The following RAB30 variants were observed in gnomAD, a reference collection of about 807,000 sequenced individuals.
The protein encoded by RAB30 is ras-related protein Rab-30.
A neutral mutation model predicts 25.1 loss-of-function variants in RAB30; 9 were observed. That is an observed-to-expected ratio of 0.36 (90% CI 0.22 to 0.63). The LOEUF (loss-of-function observed/expected upper bound fraction) is 0.63, where lower values mean the gene tolerates loss of function less well. RAB30 is among the 20% of genes least tolerant of loss of function. The pLI is 0.69. For missense variants in RAB30, 140 were observed against 243.5 expected (o/e 0.58, Z 2.83); for synonymous variants, 77 against 86.4 (o/e 0.89, Z 0.60).
At chr11:83,071,269 A>G (rs1416122838) in intron 1 of RAB30, 2 of 152,266 alleles carry the variant, frequency 1.3e-5, no homozygotes, top group Non-Finnish European at 1.5e-5. Flanking sequence ...GTTCTAAAGT[A>G]GTGCGACCAC....
At chr11:82,997,198 A>C in intron 2 of RAB30, 26 bp downstream of exon 2, 1 of 1,567,742 alleles carries the variant, frequency 6.4e-7, no homozygotes. Context: ...CCCTGGGCTT[A>C]CGAGTTCCCT....
chr11:83,003,519 T>C (rs1308072821), intron 1 of RAB30, among the ~76,000 whole-genome samples: 2 of 152,156 alleles, frequency 1.3e-5, no homozygotes, highest in East Asian at 3.9e-4. Context: ...GCCTCCTGGG[T>C]TCAAGCGATT....
chr11:83,014,361 AAC>A (rs927015466), intron 1 of RAB30, among the ~76,000 whole-genome samples: 1 of 152,104 alleles, frequency 6.6e-6, no homozygotes, highest in Non-Finnish European at 1.5e-5. Context: ...CAGACTGGAC[AAC>A]ACAGTGAGAC....
chr11:83,018,301 A>AAT (rs2121509591), intron 1 of RAB30, among the ~76,000 whole-genome samples: 1 of 141,976 alleles, frequency 7.0e-6, no homozygotes, highest in East Asian at 1.9e-4. Context: ...CCATCTCAAA[A>AAT]AAAAAAAAAA....
chr11:83,068,374 C>A (rs1858756301), intron 1 of RAB30, among the ~76,000 whole-genome samples: 1 of 152,058 alleles, frequency 6.6e-6, no homozygotes, highest in Non-Finnish European at 1.5e-5. Context: ...CATCATCCCT[C>A]ATACAGACGA....
chr11:83,066,231 G>A (rs1478210939), intron 1 of RAB30, among the ~76,000 whole-genome samples: 3 of 152,158 alleles, frequency 2.0e-5, no homozygotes, highest in Non-Finnish European at 4.4e-5. Context: ...GCAACAAAAT[G>A]AGAAAACCCA....
At chr11:82,991,530 AGAT>A (rs1456186319) in intron 3 of RAB30, among the ~76,000 whole-genome samples, 1 of 150,632 alleles carries the variant, frequency 6.6e-6, no homozygotes, top group Admixed American at 6.6e-5. Flanking sequence ...AAAAAAAAAA[AGAT>A]GACAATAAGA....
At chr11:83,006,278 C>A (rs948509902) in intron 1 of RAB30, among the ~76,000 whole-genome samples, 1 of 152,172 alleles carries the variant, frequency 6.6e-6, no homozygotes, top group African/African-American at 2.4e-5. Flanking sequence ...TTTATTACAA[C>A]AGTATTTGGA....
chr11:83,047,922 T>C (rs1342470552), intron 1 of RAB30, among the ~76,000 whole-genome samples: 1 of 152,296 alleles, frequency 6.6e-6, no homozygotes, highest in Non-Finnish European at 1.5e-5. Context: ...ACAAAGTTGA[T>C]CTAGAGATTC....
intron 1 of RAB30, among the ~76,000 whole-genome samples, chr11:83,007,583 G>C (rs930896951): frequency 5.9e-5 from 9 of 152,200 alleles, no homozygotes; most frequent in Admixed American, 4.6e-4. Flanking sequence ...TGCTCTTTCT[G>C]CCATAGTGAG....
At chr11:83,019,050 A>T (rs927466176) in intron 1 of RAB30, among the ~76,000 whole-genome samples, 3 of 152,210 alleles carry the variant, frequency 2.0e-5, no homozygotes, top group Non-Finnish European at 2.9e-5. Context: ...GTTTTGAGAC[A>T]GAGTCTCACT....
At chr11:83,059,899 T>C (rs1337447612) in intron 1 of RAB30, among the ~76,000 whole-genome samples, 2 of 152,046 alleles carry the variant, frequency 1.3e-5, no homozygotes, top group Admixed American at 6.6e-5. Context: ...CCAAGTGATA[T>C]TAACAAAAAA....
At chr11:83,041,524 G>T in intron 1 of RAB30, 1 of 216,976 alleles carries the variant, frequency 4.6e-6, no homozygotes, top group Non-Finnish European at 9.6e-6. Context: ...ACACTACCAA[G>T]GAAGCTGCTG....
At chr11:83,024,944 A>G (rs1857674081) in intron 1 of RAB30, among the ~76,000 whole-genome samples, 1 of 152,128 alleles carries the variant, frequency 6.6e-6, no homozygotes, top group African/African-American at 2.4e-5. Flanking sequence ...ATCTTTCAAG[A>G]TCTGAGGTGT....
At chr11:83,011,197 T>C (rs982929790) in intron 1 of RAB30, among the ~76,000 whole-genome samples, 7 of 152,226 alleles carry the variant, frequency 4.6e-5, no homozygotes, top group African/African-American at 1.7e-4. Flanking sequence ...AAAAATAAAA[T>C]TGCCAATACA....
In RAB30 at chr11:82,981,598, TG is replaced by T. The variant is rs1445550582; in HGVS notation, c.*566del. Reference sequence around the variant, plus strand: ...AAACAATGATTGTTACTGTTGGTCATGGGTAAAGGTTTCATTTCATTTTTAC... The same window carrying T: ...AAACAATGATTGTTACTGTTGGTCATGGTAAAGGTTTCATTTCATTTTTAC... On this transcript the variant is annotated 3_prime_UTR_variant, in exon 5 of 5. Transcript: ENST00000527633. 6.5e-6 allele frequency: 1 copy of T among 153,218 alleles called. No individual in the cohort carries two copies. The highest frequency in any genetic ancestry group is 1.5e-5 in the Non-Finnish European group (1 of 68,510). 9.5% of individuals were successfully genotyped at this position (153,218 alleles called of 1,614,324 possible). A position where few individuals can be genotyped will look rare whatever the true frequency, so the allele number is the denominator to read the frequency against.
At chr11:82,996,840 T>C (rs1193169006) in intron 2 of RAB30, among the ~76,000 whole-genome samples, 4 of 152,124 alleles carry the variant, frequency 2.6e-5, no homozygotes. Context: ...TGTATTAGAG[T>C]TTTAAAAAAT....
intron 2 of RAB30, among the ~76,000 whole-genome samples, chr11:82,994,876 T>G (rs554975454): frequency 1.5e-4 from 23 of 152,314 alleles, no homozygotes; most frequent in African/African-American, 5.1e-4. Context: ...AGGATCTCTG[T>G]GTAACCTCAA....
chr11:83,037,838 T>C (rs940102089), intron 1 of RAB30, among the ~76,000 whole-genome samples: 46 of 152,050 alleles, frequency 3.0e-4, no homozygotes, highest in African/African-American at 1.1e-3. Context: ...TGATAGAGAG[T>C]AAAGTGCAAG....
Sources: allele counts gnomAD v4.1 joint callset (sites outside exome capture counted in the v4.1 genomes callset), GRCh38; gene constraint gnomAD v4.1.1; transcripts MANE v1.5; gene names NCBI Gene and HGNC (gene_info 2026-07-23, HGNC 2026-07-21).